Variants in CAPS observed in about 807,000 individuals in gnomAD.
CAPS encodes the protein calcyphosin.
In CAPS, 16 loss-of-function variants were observed where a neutral mutation model predicts 15.5. The observed-to-expected ratio is 1.03, with a 90% CI of 0.70 to 1.57. The LOEUF (loss-of-function observed/expected upper bound fraction) is 1.57, where lower values mean the gene tolerates loss of function less well. Ranked by LOEUF, CAPS falls within the 40% of genes most tolerant of loss-of-function variation. The pLI is 0.00. For missense variants in CAPS, 294 were observed against 278.4 expected, an observed-to-expected ratio of 1.06 and a Z score of -0.40; for synonymous variants, 121 against 116.0, an observed-to-expected ratio of 1.04 and a Z score of -0.28.
rs569987768 is a variant in CAPS, at chr19:5,915,941, C to T, written c.*619C>T. On this transcript the variant is annotated 3_prime_UTR_variant, in exon 5 of 5. Transcript: ENST00000588776. ...CTGGGAGCTCTGGGCGGGGGCAGAC[C>T]GGCGGGGCCTTGCAGCAGGGGTGGG... is the stretch of plus-strand genomic sequence containing the variant. 377 of 152,722 alleles carry T rather than the reference C, an allele frequency of 2.5e-3. 1 individual carries two copies. The highest frequency in any genetic ancestry group is 2.7e-3 in the Non-Finnish European group (184 of 68,592). 9.5% of individuals were successfully genotyped at this position (152,722 alleles called of 1,614,324 possible).
rs776373647 is a variant in CAPS, at chr19:5,914,638, C to T, written c.159C>T (p.Leu53=). 1.4e-5 allele frequency: 22 copies of T among 1,613,864 alleles called. No individual in the cohort carries two copies. The highest frequency in any genetic ancestry group is 6.7e-5 in the African/African-American group (5 of 74,942). Residue 53 remains leucine (L), a synonymous_variant, in exon 3 of 5, where the codon CTC becomes CTT. Coordinates refer to ENST00000588776, the MANE Select transcript of CAPS (RefSeq NM_004058.5). ...ADEFRQGLAK[L]GLVLDQAEAE... is the part of the protein sequence containing the mutation. ...AGTTCCGGCAGGGTCTGGCCAAACT[C>T]GGGCTGGTGCTGGACCAGGCGGAGG...
Position 5,915,043 on chromosome 19 carries a change from A to G in CAPS, c.365A>G (p.Tyr122Cys), listed in dbSNP as rs766172865. The change falls in exon 4 of 5, where the codon TAC (tyrosine) becomes TGC (cysteine). Residue 122 changes from tyrosine (Y) to cysteine (C), a missense_variant. Coordinates refer to ENST00000588776, the MANE Select transcript of CAPS (RefSeq NM_004058.5). ...VVTVDDLRGV[Y>C]SGRAHPKVRS... is the part of the protein sequence containing the mutation. ...ACGGTGGACGACCTCCGCGGGGTGT[A>G]CAGTGGCCGTGCCCACCCCAAGGTG... 1 of 1,612,854 alleles carries G rather than the reference A, an allele frequency of 6.2e-7. No homozygotes were observed.
In CAPS at chr19:5,914,974, C is replaced by A; in HGVS notation, c.296C>A (p.Ala99Glu). ...TCCCAGGCCCGGGAGGCTGTCATCG[C>A]AGCTGCATTTGCCAAGCTGGACCGC... ...PMSQAREAVI[A>E]AAFAKLDRSG... Residue 99 changes from alanine to glutamate, a missense_variant, in exon 4 of 5, where the codon GCA (alanine) becomes GAA (glutamate). Physicochemically the swap from Ala to Glu is moderately radical, Grantham distance 107. Transcript: ENST00000588776. 1 of 1,609,252 alleles carries A rather than the reference C, an allele frequency of 6.2e-7. No homozygotes were observed. Among genetic ancestry groups the A allele is most frequent in the African/African-American group, 1.3e-5 (1 of 75,056 alleles).
rs748390495 is a variant in CAPS, at chr19:5,914,469, G to A, written c.63G>A (p.Ser21=). Residue 21 remains serine (S), a synonymous_variant, in exon 2 of 5, where the codon TCG becomes TCA. Coordinates refer to ENST00000588776, the MANE Select transcript of CAPS (RefSeq NM_004058.5). ...LRAQCLSRGA[S]GIQGLARFFR... is the part of the protein sequence containing the mutation. ...CACAGTGCCTGTCCCGCGGGGCCTC[G>A]GGCATCCAGGGCCTGGCCAGGTGAG... The A allele has an allele frequency of 9.9e-6, 16 of 1,612,044 alleles. No homozygotes were observed. Among genetic ancestry groups the A allele is most frequent in the Middle Eastern group, 1.7e-4 (1 of 6,058 alleles).
chr19:5,915,477 C>G lies in CAPS; in HGVS notation c.*155C>G, dbSNP rs570189311. 3.0e-5 allele frequency: 18 copies of G among 606,038 alleles called. No individual in the cohort carries two copies. The East Asian group carries it at 4.7e-4, about 16-fold the overall frequency. 37.5% of individuals were successfully genotyped at this position (606,038 alleles called of 1,614,324 possible). A position where few individuals can be genotyped will look rare whatever the true frequency, so the allele number is the denominator to read the frequency against. ...GGCTGCAGGACTGGCTAGACCAGGT[C>G]CCTGCCGGTCCACCAGGCGGAGGTG... On this transcript the variant is annotated 3_prime_UTR_variant, in exon 5 of 5. Transcript: ENST00000588776.
In CAPS at chr19:5,916,160, A is replaced by G. The variant is rs1315120647; in HGVS notation, c.*838A>G. The G allele has an allele frequency of 5.3e-5, 8 of 152,132 alleles. No homozygotes were observed. The highest frequency in any genetic ancestry group is 1.9e-4 in the African/African-American group (8 of 41,426). The allele number at this position is 152,132 out of a possible 1,614,324, so 9.4% of individuals were successfully genotyped here. Reference sequence around the variant, plus strand: ...AGGGTTTTAGTTAAAAGTTTAATGTAGTTCCCAAATACATTTCATATGACA... The same window carrying G: ...AGGGTTTTAGTTAAAAGTTTAATGTGGTTCCCAAATACATTTCATATGACA... On this transcript the variant is annotated 3_prime_UTR_variant, in exon 5 of 5. Coordinates refer to ENST00000588776, the MANE Select transcript of CAPS (RefSeq NM_004058.5).
rs780091236 is a variant in CAPS, at chr19:5,915,007, A to G, written c.329A>G (p.Asp110Gly). 2.5e-6 allele frequency: 4 copies of G among 1,611,696 alleles called. No individual in the cohort carries two copies. The highest frequency in any genetic ancestry group is 3.4e-6 in the Non-Finnish European group (4 of 1,179,912). ...TTTGCCAAGCTGGACCGCAGTGGGG[A>G]CGGCGTCGTGACGGTGGACGACCTC... ...AAFAKLDRSG[D>G]GVVTVDDLRG... Residue 110 changes from aspartate to glycine, a missense_variant, in exon 4 of 5, where the codon GAC becomes GGC. Physicochemically the swap from Asp to Gly is moderately conservative, Grantham distance 94. Coordinates refer to ENST00000588776, the MANE Select transcript of CAPS (RefSeq NM_004058.5).
Position 5,914,260 on chromosome 19 carries a change from C to A in CAPS, c.-72C>A. On this transcript the variant is annotated 5_prime_UTR_variant, in exon 1 of 5. Coordinates refer to ENST00000588776, the MANE Select transcript of CAPS (RefSeq NM_004058.5). ...AGCAACAGTCTCCCCAGGCACAACA[C>A]AGCTAACACAAGGCCCCGCAGGCAG... The A allele has an allele frequency of 6.4e-7, 1 of 1,558,312 alleles. No homozygotes were observed. The highest frequency in any genetic ancestry group is 1.9e-5 in the Admixed American group (1 of 51,482).
rs745902752 is a variant in CAPS, at chr19:5,914,501, CCT to C, written c.83+16_83+17del. 15 of 1,607,992 alleles carry C rather than the reference CCT, an allele frequency of 9.3e-6. No homozygotes were observed. Among genetic ancestry groups the C allele is most frequent in the East Asian group, 6.7e-5 (3 of 44,730 alleles). The stretch of plus-strand genomic sequence containing the variant: ...CAGGGCCTGGCCAGGTGAGCTGTCC[CCT>C]CTCACCTTCCTGACCCCGGCCCCTG... On this transcript the variant is annotated intron_variant, in intron 2 of 4. Coordinates refer to ENST00000588776, the MANE Select transcript of CAPS (RefSeq NM_004058.5).
In CAPS at chr19:5,914,895, T is replaced by C. The variant is rs373763376; in HGVS notation, c.262-45T>C. On this transcript the variant is annotated intron_variant, in intron 3 of 4. Transcript: ENST00000588776. ...GTGCTCTGCACAGCGTCTTGGGGGT[T>C]TGGGTGTGCTACCCACCACCCCCAG... The C allele has an allele frequency of 3.1e-5, 49 of 1,563,772 alleles. No homozygotes were observed. The African/African-American group carries it at 6.0e-4, about 19-fold the overall frequency.
chr19:5,915,432 G>A lies in CAPS; in HGVS notation c.*110G>A, dbSNP rs2057726046. On this transcript the variant is annotated 3_prime_UTR_variant, in exon 5 of 5. Coordinates refer to ENST00000588776, the MANE Select transcript of CAPS (RefSeq NM_004058.5). ...GGGCAGCCACACCACAGAGCGGGGAGGGGCAGGTGGGGGAATGGAGGCTGC... is the reference window on the plus strand; with the variant it reads ...GGGCAGCCACACCACAGAGCGGGGAAGGGCAGGTGGGGGAATGGAGGCTGC... 4.0e-6 allele frequency: 3 copies of A among 743,528 alleles called. No homozygotes were observed. Among genetic ancestry groups the A allele is most frequent in the Non-Finnish European group, 6.5e-6 (3 of 461,478 alleles). 46.1% of individuals were successfully genotyped at this position (743,528 alleles called of 1,614,324 possible). A position where few individuals can be genotyped will look rare whatever the true frequency, so the allele number is the denominator to read the frequency against.
Position 5,915,723 on chromosome 19 carries a change from AG to A in CAPS, c.*403del, listed in dbSNP as rs941053044. ...GGCTGTGTGTGGAGGCCATCCTGGA[AG>A]GAAGTTTAGACCTGCCCAGGTGTGG... On this transcript the variant is annotated 3_prime_UTR_variant, in exon 5 of 5. Coordinates refer to ENST00000588776, the MANE Select transcript of CAPS (RefSeq NM_004058.5). 48 of 201,090 alleles carry A rather than the reference AG, an allele frequency of 2.4e-4. No homozygotes were observed. Among genetic ancestry groups the A allele is most frequent in the Admixed American group, 5.8e-4 (11 of 19,116 alleles). The allele number at this position is 201,090 out of a possible 1,614,324, so 12.5% of individuals were successfully genotyped here. A position where few individuals can be genotyped will look rare whatever the true frequency, so the allele number is the denominator to read the frequency against.
Position 5,914,936 on chromosome 19 carries a change from C to T in CAPS, c.262-4C>T. ...CCACCCCCAGTCACCACCTCCTGTC[C>T]CAGCCCCCCATGTCCCAGGCCCGGG... On this transcript the variant is annotated splice_region_variant and splice_polypyrimidine_tract_variant and intron_variant, in intron 3 of 4. Coordinates refer to ENST00000588776, the MANE Select transcript of CAPS (RefSeq NM_004058.5). 1 of 1,600,754 alleles carries T rather than the reference C, an allele frequency of 6.2e-7. No individual in the cohort carries two copies. The highest frequency in any genetic ancestry group is 8.5e-7 in the Non-Finnish European group (1 of 1,178,188).
intron 3 of CAPS, 78 bp from the exon 4 acceptor site, chr19:5,914,862 C>T (rs1207929921): frequency 3.3e-6 from 5 of 1,518,038 alleles, no homozygotes; most frequent in East Asian, 4.5e-5. Flanking sequence ...CTGGGGCATA[C>T]AGCCCCAGTG....
In CAPS at chr19:5,914,508, C is replaced by G; in HGVS notation, c.83+19C>G. The G allele has an allele frequency of 6.2e-7, 1 of 1,606,872 alleles. No homozygotes were observed. Among genetic ancestry groups the G allele is most frequent in the African/African-American group, 1.3e-5 (1 of 74,956 alleles). Reference sequence around the variant, plus strand: ...TGGCCAGGTGAGCTGTCCCCTCTCACCTTCCTGACCCCGGCCCCTGAGACC... The same window carrying G: ...TGGCCAGGTGAGCTGTCCCCTCTCAGCTTCCTGACCCCGGCCCCTGAGACC... On this transcript the variant is annotated intron_variant, in intron 2 of 4. Transcript: ENST00000588776.
Position 5,914,564 on chromosome 19 carries a change from T to A in CAPS, c.85T>A (p.Phe29Ile). ...GASGIQGLAR[F>I]FRQLDRDGSR... ...TCCAACCGTGTCCCCTGCCTCCAGG[T>A]TTTTCCGCCAACTAGACCGGGACGG... is the stretch of plus-strand genomic sequence containing the variant. The change falls in exon 3 of 5, where the codon TTT (phenylalanine) becomes ATT (isoleucine). Residue 29 changes from phenylalanine (F) to isoleucine (I), a missense_variant and splice_region_variant. By Grantham distance (21) the Phe-to-Ile change is conservative. Coordinates refer to ENST00000588776, the MANE Select transcript of CAPS (RefSeq NM_004058.5). The A allele has an allele frequency of 6.2e-7, 1 of 1,603,870 alleles. No individual in the cohort carries two copies. Among genetic ancestry groups the A allele is most frequent in the East Asian group, 2.2e-5 (1 of 44,618 alleles).
intron 3 of CAPS, 22 bp from the exon 4 acceptor site, chr19:5,914,918 C>G: frequency 6.9e-6 from 11 of 1,591,820 alleles, no homozygotes; most frequent in East Asian, 2.2e-5. Flanking sequence ...CCACCACCCC[C>G]AGTCACCACC....
rs1366308626 is a variant in CAPS at position 5,914,599 on chromosome 19, C to T, written c.120C>T (p.Ser40=). 1 of 1,613,122 alleles carries T rather than the reference C, an allele frequency of 6.2e-7. No homozygotes were observed. The highest frequency in any genetic ancestry group is 8.5e-7 in the Non-Finnish European group (1 of 1,179,472). The change falls in exon 3 of 5, where the codon TCC becomes TCT. Residue 40 remains serine (S), a synonymous_variant. Coordinates refer to ENST00000588776, the MANE Select transcript of CAPS (RefSeq NM_004058.5). ...AACTAGACCGGGACGGGAGCAGATC[C>T]CTGGACGCTGATGAGTTCCGGCAGG... ...FRQLDRDGSR[S]LDADEFRQGL... is the part of the protein sequence containing the mutation.
Position 5,915,281 on chromosome 19 carries a change from G to GAGGA in CAPS, c.530_533dup (p.Phe179GlyfsTer98). On this transcript the variant is annotated frameshift_variant, in exon 5 of 5. Coordinates refer to ENST00000588776, the MANE Select transcript of CAPS (RefSeq NM_004058.5). LOFTEE classifies it high-confidence loss of function. Reference sequence around the variant, plus strand: ...CGTGAGTGCCTCCATGAACACGGATGAGGAGTTCGTGGCCATGATGACCAG... The same window carrying GAGGA: ...CGTGAGTGCCTCCATGAACACGGATGAGGAAGGAGTTCGTGGCCATGATGACCAG... 2 of 1,612,670 alleles carry GAGGA rather than the reference G, an allele frequency of 1.2e-6. No individual in the cohort carries two copies. The highest frequency in any genetic ancestry group is 3.3e-5 in the Admixed American group (2 of 59,996).
Sources: allele counts gnomAD v4.1 joint callset, GRCh38; gene constraint gnomAD v4.1.1; transcripts MANE v1.5; gene names NCBI Gene and HGNC (gene_info 2026-07-23, HGNC 2026-07-21).